TMEM17: variants seen among roughly 807,000 people sequenced by gnomAD.
TMEM17 encodes the protein transmembrane protein 17.
A neutral mutation model predicts 19.1 loss-of-function variants in TMEM17; 15 were observed. The observed-to-expected ratio is 0.78, with a 90% CI of 0.52 to 1.21. The LOEUF is 1.21. Among genes scored for constraint, TMEM17 ranks in the 50% most tolerant of loss-of-function variants. The probability of loss-of-function intolerance (pLI) is 0.00; values close to 1 mark genes in which losing one functional copy is unlikely to be tolerated. For missense variants in TMEM17, 245 were observed against 242.3 expected (o/e 1.01, Z -0.07); for synonymous variants, 103 against 86.9 (o/e 1.19, Z -1.03).
At chr2:62,477,408 A>AC in the TMEM17 span, among the ~76,000 whole-genome samples, 8 of 145,712 alleles carry the variant, frequency 5.5e-5, no homozygotes, top group Non-Finnish European at 7.6e-5. Flanking sequence ...AAACAAACAA[A>AC]AAAATCTCTC....
chr2:62,481,642 G>T, the TMEM17 span, among the ~76,000 whole-genome samples: 1 of 151,968 alleles, frequency 6.6e-6, no homozygotes, highest in East Asian at 1.9e-4. Flanking sequence ...CTGTCATGAA[G>T]GGATAGGTCT....
the TMEM17 span, among the ~76,000 whole-genome samples, chr2:62,464,275 C>T: frequency 2.0e-5 from 3 of 152,336 alleles, no homozygotes; most frequent in Admixed American, 2.0e-4. Context: ...TGTAACACGC[C>T]CTGTGGGGCT....
the TMEM17 span, among the ~76,000 whole-genome samples, chr2:62,493,124 G>A: frequency 6.6e-6 from 1 of 152,074 alleles, no homozygotes; most frequent in South Asian, 2.1e-4. Context: ...CAACTTCCTG[G>A]GCTCAAGCAA....
At chr2:62,487,456 T>G in the TMEM17 span, among the ~76,000 whole-genome samples, 2 of 152,236 alleles carry the variant, frequency 1.3e-5, no homozygotes, top group Admixed American at 1.3e-4. Flanking sequence ...CTTTTGCATG[T>G]AACCTATTCA....
At chr2:62,465,925 G>A in the TMEM17 span, among the ~76,000 whole-genome samples, 1 of 152,234 alleles carries the variant, frequency 6.6e-6, no homozygotes, top group South Asian at 2.1e-4. Flanking sequence ...TTAAAATAGG[G>A]AAATAATGGG....
downstream of TMEM17, among the ~76,000 whole-genome samples, chr2:62,499,126 T>C (rs1200080460): frequency 6.6e-6 from 1 of 152,212 alleles, no homozygotes; most frequent in African/African-American, 2.4e-5. Flanking sequence ...TTAAGCAATA[T>C]GTTTATTACA....
chr2:62,488,837 A>C, the TMEM17 span, among the ~76,000 whole-genome samples: 1 of 144,720 alleles, frequency 6.9e-6, no homozygotes. Context: ...AAACTTCTCC[A>C]ACCTTAGCAC....
At chr2:62,490,778 T>C in the TMEM17 span, among the ~76,000 whole-genome samples, 2 of 152,096 alleles carry the variant, frequency 1.3e-5, no homozygotes, top group African/African-American at 4.8e-5. Flanking sequence ...TTAACTGGTA[T>C]AGAGTGAGCA....
At chr2:62,461,382 C>G in the TMEM17 span, among the ~76,000 whole-genome samples, 17 of 152,280 alleles carry the variant, frequency 1.1e-4, no homozygotes, top group South Asian at 1.0e-3. Flanking sequence ...TCAGTCCCCC[C>G]AGTCTTGACT....
At chr2:62,486,834 A>G in the TMEM17 span, among the ~76,000 whole-genome samples, 20 of 152,238 alleles carry the variant, frequency 1.3e-4, no homozygotes, top group Non-Finnish European at 2.4e-4. Flanking sequence ...GACAGCTCCA[A>G]TCCCAGCTAC....
At chr2:62,455,716 G>A in the TMEM17 span, among the ~76,000 whole-genome samples, 844 of 152,290 alleles carry the variant, frequency 5.5e-3, 12 homozygotes, top group African/African-American at 0.019. Context: ...GCAGTGAGCC[G>A]AAATTGCACC....
chr2:62,467,645 A>G, the TMEM17 span, among the ~76,000 whole-genome samples: 5 of 151,980 alleles, frequency 3.3e-5, no homozygotes, highest in African/African-American at 1.2e-4. Flanking sequence ...ATCCTCCCAA[A>G]CTGCGTGTCC....
At chr2:62,494,891 C>G in the TMEM17 span, among the ~76,000 whole-genome samples, 1 of 152,164 alleles carries the variant, frequency 6.6e-6, no homozygotes, top group Non-Finnish European at 1.5e-5. Context: ...TGGCAGGTGC[C>G]TGTAGTCCCA....
At chr2:62,486,989 C>T in the TMEM17 span, among the ~76,000 whole-genome samples, 1 of 152,120 alleles carries the variant, frequency 6.6e-6, no homozygotes, top group South Asian at 2.1e-4. Context: ...TCACTCAGCT[C>T]TCAGAATCCA....
At chr2:62,495,190 T>C in the TMEM17 span, among the ~76,000 whole-genome samples, 3 of 152,208 alleles carry the variant, frequency 2.0e-5, no homozygotes, top group Admixed American at 2.0e-4. Context: ...TAAGATAAAT[T>C]TCCAAATGTC....
the TMEM17 span, among the ~76,000 whole-genome samples, chr2:62,479,003 A>G: frequency 6.6e-6 from 1 of 152,222 alleles, no homozygotes; most frequent in African/African-American, 2.4e-5. Flanking sequence ...TTTGATACAT[A>G]TAATGTATAG....
chr2:62,465,903 C>A, the TMEM17 span, among the ~76,000 whole-genome samples: 2 of 152,094 alleles, frequency 1.3e-5, no homozygotes, highest in East Asian at 3.9e-4. Context: ...AAGCAGAAGT[C>A]TTTTAATTTT....
the TMEM17 span, among the ~76,000 whole-genome samples, chr2:62,462,915 C>A: frequency 2.0e-5 from 3 of 152,188 alleles, no homozygotes; most frequent in East Asian, 5.8e-4. Context: ...AGAGGCCCTG[C>A]CCACATTTTT....
At chr2:62,459,759 T>C in the TMEM17 span, among the ~76,000 whole-genome samples, 2 of 152,254 alleles carry the variant, frequency 1.3e-5, no homozygotes, top group African/African-American at 2.4e-5. Flanking sequence ...TAAATGAATT[T>C]ATATTTATTC....
Sources: gnomAD v4.1 joint callset for allele counts (sites outside exome capture counted in the v4.1 genomes callset) on GRCh38, gnomAD v4.1.1 for gene constraint, MANE v1.5 for transcripts, NCBI Gene and HGNC (gene_info 2026-07-23, HGNC 2026-07-21) for gene names.